The following ADGRL2 variants were observed in gnomAD, a reference collection of about 807,000 sequenced individuals.
ADGRL2 encodes adhesion G protein-coupled receptor L2, also known as calcium-independent alpha-latrotoxin receptor 2.
Under a neutral mutation model 157.4 loss-of-function variants are expected in ADGRL2, and 44 were observed. The observed-to-expected ratio is 0.28, with a 90% CI of 0.22 to 0.36. ADGRL2 has a LOEUF of 0.36. Ranked by LOEUF, ADGRL2 falls within the 10% of genes least tolerant of loss-of-function variation. The pLI is 1.00. For missense variants in ADGRL2, 1,510 were observed against 1,768.9 expected (o/e 0.85, Z 2.63); for synonymous variants, 585 against 624.7 (o/e 0.94, Z 0.95).
rs371977245 is a variant in ADGRL2 at position 81,517,893 on chromosome 1, C to G, written c.-247-62983C>G. Among the ~76,000 whole-genome samples, 37 of 152,350 alleles carry G rather than the reference C, an allele frequency of 2.4e-4. 1 individual carries two copies. The highest frequency in any genetic ancestry group is 8.4e-4 in the African/African-American group (35 of 41,582). On this transcript the variant is annotated intron_variant, in intron 2 of 24. Transcript: ENST00000370721. ...AATCCCACCCAATAATTCTCACCCACCAGTTTCTGAGAATGCCTAAAATTT... is the reference window on the plus strand; with the variant it reads ...AATCCCACCCAATAATTCTCACCCAGCAGTTTCTGAGAATGCCTAAAATTT...
intron 1 of ADGRL2, among the ~76,000 whole-genome samples, chr1:81,826,087 T>C (rs915675510): frequency 5.3e-5 from 8 of 152,234 alleles, no homozygotes; most frequent in Non-Finnish European, 1.2e-4. Context: ...TTAAGATGAA[T>C]AATGCTCCAG....
In ADGRL2 at chr1:81,455,208, A is replaced by G. The variant is rs1176854999; in HGVS notation, c.-248+10119A>G. 7.2e-5 allele frequency among the ~76,000 whole-genome samples: 11 copies of G among 152,218 alleles called. No individual in the cohort carries two copies. In the East Asian group the frequency reaches 1.9e-3, roughly 27 times the overall value. ...ATTTTGTGAACTTACTCTGTCAGTCAGTGTATCAAAGCACAAATTGGTATA... is the reference window on the plus strand; with the variant it reads ...ATTTTGTGAACTTACTCTGTCAGTCGGTGTATCAAAGCACAAATTGGTATA... On this transcript the variant is annotated intron_variant, in intron 2 of 24. Transcript: ENST00000370721.
At chr1:81,772,871 T>C (rs1158224370) in intron 2 of ADGRL2, among the ~76,000 whole-genome samples, 2 of 152,200 alleles carry the variant, frequency 1.3e-5, no homozygotes, top group East Asian at 3.8e-4. Context: ...AACTTTAATA[T>C]TTTTATAGAC....
At chr1:81,790,385 A>G (rs2087276209) in intron 2 of ADGRL2, among the ~76,000 whole-genome samples, 2 of 152,126 alleles carry the variant, frequency 1.3e-5, no homozygotes, top group African/African-American at 2.4e-5. Context: ...ACACACACAA[A>G]CATTGTTATT....
At chr1:81,461,151 C>T (rs1481113665) in intron 2 of ADGRL2, among the ~76,000 whole-genome samples, 1 of 152,164 alleles carries the variant, frequency 6.6e-6, no homozygotes, top group Non-Finnish European at 1.5e-5. Context: ...ATTGTTTTCT[C>T]TGTCCTTTGG....
intron 2 of ADGRL2, among the ~76,000 whole-genome samples, chr1:81,795,351 GCCCAAGCTGGAGTGA>G (rs2087535625): frequency 6.6e-6 from 1 of 152,106 alleles, no homozygotes; most frequent in Non-Finnish European, 1.5e-5. Context: ...CTACACTCCA[GCCCAAGCTGGAGTGA>G]GACACTGTCT....
chr1:81,508,176 T>C (rs962820652), intron 2 of ADGRL2, among the ~76,000 whole-genome samples: 1 of 152,224 alleles, frequency 6.6e-6, no homozygotes, highest in African/African-American at 2.4e-5. Flanking sequence ...GTAGCTTGTG[T>C]ATGCATATGT....
Position 81,816,593 on chromosome 1 carries a change from T to C in ADGRL2, c.-101+15525T>C, listed in dbSNP as rs80190096. Reference sequence around the variant, plus strand: ...TAGTAATTAGTATCAATGTATAGGTTTTTTTATTTAATGTGGAATTATTAT... The same window carrying C: ...TAGTAATTAGTATCAATGTATAGGTCTTTTTATTTAATGTGGAATTATTAT... On this transcript the variant is annotated intron_variant, in intron 1 of 23. Transcript: ENST00000686636. Among the ~76,000 whole-genome samples, 70 of 151,992 alleles carry C rather than the reference T, an allele frequency of 4.6e-4. No individual in the cohort carries two copies. The East Asian group carries it at 0.012, about 26-fold the overall frequency.
At chr1:81,468,415 TAAAC>T (rs912606017) in intron 2 of ADGRL2, among the ~76,000 whole-genome samples, 6 of 152,134 alleles carry the variant, frequency 3.9e-5, no homozygotes, top group African/African-American at 1.4e-4. Context: ...AATTCAGAAT[TAAAC>T]AAGCCTAATC....
intron 1 of ADGRL2, among the ~76,000 whole-genome samples, chr1:81,393,881 T>A (rs1171476015): frequency 2.6e-5 from 4 of 151,714 alleles, no homozygotes; most frequent in Admixed American, 2.6e-4. Flanking sequence ...TCATTGTTTT[T>A]CTGAATATGA....
At chr1:81,322,483 G>A (rs1343852609) in intron 1 of ADGRL2, among the ~76,000 whole-genome samples, 1 of 151,998 alleles carries the variant, frequency 6.6e-6, no homozygotes, top group African/African-American at 2.4e-5. Context: ...TTTAGTTAGG[G>A]AGAAAAAAGA....
intron 1 of ADGRL2, among the ~76,000 whole-genome samples, chr1:81,400,157 C>A (rs528654014): frequency 4.1e-4 from 63 of 151,920 alleles, no homozygotes; most frequent in African/African-American, 1.5e-3. Flanking sequence ...TTGGGGGGGT[C>A]CTTCTGTTCC....
chr1:81,757,362 C>T (rs912427949), intron 1 of ADGRL2, among the ~76,000 whole-genome samples: 3 of 152,062 alleles, frequency 2.0e-5, no homozygotes, highest in Non-Finnish European at 4.4e-5. Context: ...ATATTTGAAT[C>T]CTTGTGGATG....
At position 81,929,162 on chromosome 1, in the gene ADGRL2, C is replaced by A. The variant is rs575055787; in HGVS notation, c.288-7566C>A. On this transcript the variant is annotated intron_variant, in intron 3 of 23. Coordinates refer to ENST00000686636, the MANE Select transcript of ADGRL2 (RefSeq NM_001366006.2). Reference sequence around the variant, plus strand: ...AGGCGGTAGATTTTGCATTTTTAATCTTCCTTAGAACTGTGGTGAATAATG... The same window carrying A: ...AGGCGGTAGATTTTGCATTTTTAATATTCCTTAGAACTGTGGTGAATAATG... Among the ~76,000 whole-genome samples the A allele has an allele frequency of 3.9e-4, 60 of 152,154 alleles. 1 individual carries two copies. The South Asian group carries it at 0.012, about 29-fold the overall frequency.
chr1:81,384,845 A>T (rs901500079), intron 1 of ADGRL2, among the ~76,000 whole-genome samples: 9 of 152,200 alleles, frequency 5.9e-5, no homozygotes, highest in Non-Finnish European at 8.8e-5. Flanking sequence ...CAGCCAAGTT[A>T]TCAATTTTAT....
intron 17 of ADGRL2, among the ~76,000 whole-genome samples, chr1:81,976,788 A>G (rs1660315055): frequency 6.6e-6 from 1 of 151,926 alleles, no homozygotes; most frequent in Admixed American, 6.6e-5. Flanking sequence ...AGTGTTTTAC[A>G]AAGGAAATGG....
chr1:81,761,305 T>C (rs907432023), intron 1 of ADGRL2, among the ~76,000 whole-genome samples: 2 of 151,886 alleles, frequency 1.3e-5, no homozygotes, highest in African/African-American at 2.4e-5. Context: ...TTCATATATA[T>C]CTATTAAAAT....
chr1:81,626,671 T>G (rs1331728170), intron 3 of ADGRL2, among the ~76,000 whole-genome samples: 2 of 152,196 alleles, frequency 1.3e-5, no homozygotes, highest in Non-Finnish European at 2.9e-5. Flanking sequence ...GAAAACATTA[T>G]TCACTGTAAC....
At chr1:81,312,618 T>C (rs1373202871) in intron 1 of ADGRL2, among the ~76,000 whole-genome samples, 1 of 152,210 alleles carries the variant, frequency 6.6e-6, no homozygotes, top group Non-Finnish European at 1.5e-5. Context: ...TCTCAGCTCT[T>C]AGTCATTTCA....
Sources: allele counts gnomAD v4.1 joint callset (sites outside exome capture counted in the v4.1 genomes callset), GRCh38; gene constraint gnomAD v4.1.1; transcripts MANE v1.5; gene names NCBI Gene and HGNC (gene_info 2026-07-23, HGNC 2026-07-21).